The following USP25 variants were observed in gnomAD, a reference collection of about 807,000 sequenced individuals.
USP25 encodes ubiquitin carboxyl-terminal hydrolase 25.
A neutral mutation model predicts 158.5 loss-of-function variants in USP25; 85 were observed. The observed-to-expected ratio is 0.54, with a 90% confidence interval of 0.45 to 0.64. The LOEUF (loss-of-function observed/expected upper bound fraction) is 0.64, where lower values mean the gene tolerates loss of function less well. Among genes scored for constraint, USP25 ranks in the 30% least tolerant of loss-of-function variants. USP25 has a pLI of 0.00. For synonymous variants in USP25, 464 were observed against 460.4 expected, an observed-to-expected ratio of 1.01 and a Z score of -0.10; for missense variants, 1,242 against 1,327.3, an observed-to-expected ratio of 0.94 and a Z score of 1.00.
chr21:15,862,495 T>C (rs1601164492), intron 20 of USP25, among the ~76,000 whole-genome samples: 2 of 151,980 alleles, frequency 1.3e-5, no homozygotes, highest in South Asian at 4.1e-4. Context: ...AGAACAGTAA[T>C]TGAATTGTTA....
At chr21:15,781,685 CT>C (rs2034973300) in intron 4 of USP25, among the ~76,000 whole-genome samples, 2 of 152,118 alleles carry the variant, frequency 1.3e-5, no homozygotes, top group South Asian at 2.1e-4. Context: ...ACTGTCTCCC[CT>C]GCGAGGATTG....
At position 15,821,737 on chromosome 21, in the gene USP25, A is replaced by G. The variant is rs138131040; in HGVS notation, c.1081-2302A>G. 9.0e-4 allele frequency among the ~76,000 whole-genome samples: 137 copies of G among 152,052 alleles called. 1 individual carries two copies. Among genetic ancestry groups the G allele is most frequent in the African/African-American group, 3.2e-3 (133 of 41,550 alleles). On this transcript the variant is annotated intron_variant, in intron 10 of 25. Coordinates refer to ENST00000400183, the MANE Select transcript of USP25 (RefSeq NM_001283041.3). ...ATAGTTTACATCCTGGCTTGGTTTG[A>G]TATTCCGTGGGGAATTTGAAGTGAT...
At chr21:15,828,317 G>A (rs1223330077) in intron 14 of USP25, among the ~76,000 whole-genome samples, 1 of 152,126 alleles carries the variant, frequency 6.6e-6, no homozygotes, top group Admixed American at 6.5e-5. Flanking sequence ...TAGGCGTTGG[G>A]TAATTTTCTA....
intron 5 of USP25, among the ~76,000 whole-genome samples, chr21:15,796,815 A>G (rs1404639082): frequency 1.3e-5 from 2 of 151,416 alleles, no homozygotes; most frequent in Non-Finnish European, 3.0e-5. Flanking sequence ...CATACCAGAA[A>G]ATAAGATGTG....
intron 18 of USP25, 109 bp downstream of exon 18, chr21:15,842,649 G>A: frequency 7.2e-7 from 1 of 1,381,572 alleles, no homozygotes. Context: ...GCCCAGTGAT[G>A]GCTCTGCCAT....
intron 20 of USP25, among the ~76,000 whole-genome samples, chr21:15,851,550 A>G (rs2038890085): frequency 6.6e-6 from 1 of 151,998 alleles, no homozygotes; most frequent in Non-Finnish European, 1.5e-5. Flanking sequence ...AATTTTGATT[A>G]TATCAGAATT....
chr21:15,797,747 A>C (rs556971703), intron 5 of USP25, among the ~76,000 whole-genome samples: 248 of 151,242 alleles, frequency 1.6e-3, no homozygotes, highest in Non-Finnish European at 3.1e-3. Context: ...ACTTAACAGT[A>C]GTCCCCCTTA....
At chr21:15,800,076 A>AT (rs1358539658) in intron 6 of USP25, among the ~76,000 whole-genome samples, 1 of 151,072 alleles carries the variant, frequency 6.6e-6, no homozygotes, top group South Asian at 2.1e-4. Context: ...CGCTTTAGTA[A>AT]TTTTTTTGGG....
intron 1 of USP25, among the ~76,000 whole-genome samples, chr21:15,745,451 ATTTTCTTTTTCTTTTTC>A (rs887467843): frequency 1.7e-4 from 21 of 126,666 alleles, no homozygotes; most frequent in Non-Finnish European, 3.3e-4. Flanking sequence ...TACTTTAACC[ATTTTCTTTTTCTTTTTC>A]TTTTCTTTTT....
rs759874139 is a variant in USP25 at position 15,831,648 on chromosome 21, G to A, written c.1993+19G>A. 5.0e-6 allele frequency: 8 copies of A among 1,599,626 alleles called. No individual in the cohort carries two copies. Among genetic ancestry groups the A allele is most frequent in the African/African-American group, 2.7e-5 (2 of 74,682 alleles). On this transcript the variant is annotated intron_variant, in intron 16 of 25. Coordinates refer to ENST00000400183, the MANE Select transcript of USP25 (RefSeq NM_001283041.3). Reference sequence around the variant, plus strand: ...ATACAAGGTAAGAATATATAGGGTGGTGTGTATTTTTAAATAGTCATAAAA... The same window carrying A: ...ATACAAGGTAAGAATATATAGGGTGATGTGTATTTTTAAATAGTCATAAAA...
intron 3 of USP25, among the ~76,000 whole-genome samples, chr21:15,776,348 C>T (rs1193242719): frequency 6.6e-6 from 1 of 151,874 alleles, no homozygotes; most frequent in African/African-American, 2.4e-5. Context: ...TTAAAAAAAA[C>T]ACCACCACTT....
intron 3 of USP25, among the ~76,000 whole-genome samples, chr21:15,772,890 G>A (rs896913807): frequency 6.6e-6 from 1 of 152,052 alleles, no homozygotes; most frequent in Non-Finnish European, 1.5e-5. Flanking sequence ...CGTATGTGAG[G>A]GATCTTTCAG....
At chr21:15,779,736 G>T (rs548592275) in intron 4 of USP25, among the ~76,000 whole-genome samples, 1 of 151,644 alleles carries the variant, frequency 6.6e-6, no homozygotes, top group Non-Finnish European at 1.5e-5. Flanking sequence ...TTTCATTCTA[G>T]GTCTTTTACA....
At chr21:15,824,844 G>A in intron 11 of USP25, 122 bp from the exon 12 acceptor site, 1 of 713,264 alleles carries the variant, frequency 1.4e-6, no homozygotes, top group East Asian at 3.0e-5. Flanking sequence ...TTGAACTCCT[G>A]ACCTCAGGTG....
chr21:15,874,888 C>T (rs1384443148), intron 24 of USP25, among the ~76,000 whole-genome samples: 1 of 152,158 alleles, frequency 6.6e-6, no homozygotes. Context: ...AATATGCAGG[C>T]TGGCGCAGCA....
At chr21:15,750,230 T>A (rs1227404341) in intron 1 of USP25, among the ~76,000 whole-genome samples, 253 of 144,766 alleles carry the variant, frequency 1.7e-3, no homozygotes, top group African/African-American at 6.0e-3. Context: ...TTTTTTTTTT[T>A]TTTTTTTCCT....
chr21:15,794,284 CAG>C (rs1289603291), intron 5 of USP25, among the ~76,000 whole-genome samples: 1 of 151,412 alleles, frequency 6.6e-6, no homozygotes, highest in Admixed American at 6.6e-5. Context: ...AAAGGGGGAA[CAG>C]AATGTAAGAA....
intron 1 of USP25, among the ~76,000 whole-genome samples, chr21:15,731,395 A>G (rs2030881780): frequency 6.6e-6 from 1 of 152,108 alleles, no homozygotes; most frequent in East Asian, 1.9e-4. Context: ...ACTGTGATCA[A>G]CCACCAGAGT....
intron 18 of USP25, among the ~76,000 whole-genome samples, chr21:15,846,154 ATATATTTTTT>A (rs2038598850): frequency 2.3e-5 from 1 of 43,548 alleles, no homozygotes; most frequent in East Asian, 8.7e-4. Flanking sequence ...ATATATATAT[ATATATTTTTT>A]TTTTTTTTTT....
Sources: gnomAD v4.1 joint callset for allele counts (sites outside exome capture counted in the v4.1 genomes callset) on GRCh38, gnomAD v4.1.1 for gene constraint, MANE v1.5 for transcripts, NCBI Gene and HGNC (gene_info 2026-07-23, HGNC 2026-07-21) for gene names.